COL23A1: variants seen among roughly 807,000 people sequenced by gnomAD.
The protein encoded by COL23A1 is collagen type XXIII alpha 1 chain, also known as collagen alpha-1(XXIII) chain.
In COL23A1, 97 loss-of-function variants were observed where a neutral mutation model predicts 99.3. That is an observed-to-expected ratio of 0.98 (90% CI 0.83 to 1.16). COL23A1 has a LOEUF of 1.16. Among genes scored for constraint, COL23A1 ranks in the 50% most tolerant of loss-of-function variants. The probability of loss-of-function intolerance (pLI) is 0.00; values close to 1 mark genes in which losing one functional copy is unlikely to be tolerated. For synonymous variants in COL23A1, 320 were observed against 308.2 expected (o/e 1.04, Z -0.40); for missense variants, 762 against 757.4 (o/e 1.01, Z -0.07).
chr5:178,343,349 G>A (rs1206884036), intron 2 of COL23A1, among the ~76,000 whole-genome samples: 1 of 152,186 alleles, frequency 6.6e-6, no homozygotes, highest in Non-Finnish European at 1.5e-5. Context: ...TCATGTGACC[G>A]AGGAACATAT....
chr5:178,476,790 G>C (rs1456537114), intron 2 of COL23A1, among the ~76,000 whole-genome samples: 1 of 152,214 alleles, frequency 6.6e-6, no homozygotes, highest in East Asian at 1.9e-4. Flanking sequence ...CACCATGCTA[G>C]GGACCTCCTA....
intron 2 of COL23A1, among the ~76,000 whole-genome samples, chr5:178,455,695 T>A (rs1304347528): frequency 6.6e-6 from 1 of 152,010 alleles, no homozygotes; most frequent in Non-Finnish European, 1.5e-5. Flanking sequence ...GGACCGCACC[T>A]CAAGGCCGAG....
intron 2 of COL23A1, among the ~76,000 whole-genome samples, chr5:178,367,199 C>T (rs1762531247): frequency 6.6e-6 from 1 of 152,136 alleles, no homozygotes; most frequent in Non-Finnish European, 1.5e-5. Context: ...TGGAAACCAC[C>T]AATGGCATCC....
chr5:178,242,422 G>C (rs372639846), intron 25 of COL23A1, 28 bp from the exon 26 acceptor site: 1 of 1,611,860 alleles, frequency 6.2e-7, no homozygotes, highest in Admixed American at 1.7e-5. Flanking sequence ...TGCTAAACCC[G>C]AAAATGAGGC....
chr5:178,515,633 C>G (rs1017008748), intron 2 of COL23A1, among the ~76,000 whole-genome samples: 2 of 152,170 alleles, frequency 1.3e-5, no homozygotes, highest in African/African-American at 4.8e-5. Context: ...CCTCTAATAC[C>G]TACCTTTCCT....
At chr5:178,244,722 T>C (rs190737384) in intron 25 of COL23A1, among the ~76,000 whole-genome samples, 1 of 152,368 alleles carries the variant, frequency 6.6e-6, no homozygotes, top group Admixed American at 6.5e-5. Flanking sequence ...AACCTCCAGA[T>C]TTTTCAGTTA....
intron 2 of COL23A1, among the ~76,000 whole-genome samples, chr5:178,425,370 C>T (rs1021795085): frequency 2.0e-5 from 3 of 151,502 alleles, no homozygotes; most frequent in Non-Finnish European, 4.4e-5. Context: ...TGCAGTGAGC[C>T]GAGATCGCGC....
chr5:178,485,829 A>C (rs1306116584), intron 2 of COL23A1, among the ~76,000 whole-genome samples: 1 of 151,108 alleles, frequency 6.6e-6, no homozygotes, highest in African/African-American at 2.4e-5. Context: ...TAAGCTGAGT[A>C]CAGAGTAAAA....
intron 2 of COL23A1, among the ~76,000 whole-genome samples, chr5:178,353,316 C>G (rs1269386723): frequency 6.6e-6 from 1 of 151,942 alleles, no homozygotes; most frequent in South Asian, 2.1e-4. Flanking sequence ...TTATGTATGA[C>G]ACAAACCTCA....
chr5:178,585,700 T>C (rs4045509), intron 1 of COL23A1, among the ~76,000 whole-genome samples: 13 of 141,966 alleles, frequency 9.2e-5, no homozygotes, highest in South Asian at 2.1e-4. Context: ...GGTAATGCCC[T>C]ACAGCCCTGG....
chr5:178,518,679 G>A (rs1165189167), intron 2 of COL23A1, among the ~76,000 whole-genome samples: 1 of 139,884 alleles, frequency 7.1e-6, no homozygotes, highest in Non-Finnish European at 1.6e-5. Flanking sequence ...GGGCGGAGAC[G>A]CTCCTCACAT....
chr5:178,256,513 C>A (rs902906305), intron 14 of COL23A1, 116 bp from the exon 15 acceptor site: 7 of 933,024 alleles, frequency 7.5e-6, no homozygotes, highest in South Asian at 6.3e-5. Flanking sequence ...GTGCTGGAAC[C>A]CTAATAGCCA....
At chr5:178,543,147 G>T (rs778076804) in intron 2 of COL23A1, among the ~76,000 whole-genome samples, 9 of 150,526 alleles carry the variant, frequency 6.0e-5, no homozygotes, top group Admixed American at 2.0e-4. Flanking sequence ...CGCGCTTGTC[G>T]CCCAGGCTGG....
chr5:178,438,525 G>A (rs1766686848), intron 2 of COL23A1, among the ~76,000 whole-genome samples: 1 of 152,158 alleles, frequency 6.6e-6, no homozygotes, highest in African/African-American at 2.4e-5. Context: ...GGAGACCACA[G>A]AGCAGGCAAC....
intron 2 of COL23A1, among the ~76,000 whole-genome samples, chr5:178,344,668 A>G (rs2127667743): frequency 6.6e-6 from 1 of 152,256 alleles, no homozygotes; most frequent in Admixed American, 6.5e-5. Context: ...GTCTGTGTTT[A>G]ATACAAATAC....
At position 178,339,592 on chromosome 5, in the gene COL23A1, G is replaced by A. The variant is rs540005869; in HGVS notation, c.362-32673C>T. 2.6e-5 allele frequency among the ~76,000 whole-genome samples: 4 copies of A among 152,356 alleles called. No homozygotes were observed. In the South Asian group the frequency reaches 8.3e-4, roughly 32 times the overall value. On this transcript the variant is annotated intron_variant, in intron 2 of 28. Coordinates refer to ENST00000390654, the MANE Select transcript of COL23A1 (RefSeq NM_173465.4). Reference sequence around the variant, plus strand: ...TTCTCACTGACCTCACAGCCAGCTAGCATGTGTGGGGGAAAATAAGAGAAA... The same window carrying A: ...TTCTCACTGACCTCACAGCCAGCTAACATGTGTGGGGGAAAATAAGAGAAA...
intron 2 of COL23A1, among the ~76,000 whole-genome samples, chr5:178,489,913 A>G (rs1757836835): frequency 2.0e-5 from 3 of 152,230 alleles, no homozygotes; most frequent in Admixed American, 2.0e-4. Flanking sequence ...GTGACTATCC[A>G]GACAAGAGAA....
At chr5:178,553,821 C>G (rs540493098) in intron 2 of COL23A1, among the ~76,000 whole-genome samples, 1 of 152,298 alleles carries the variant, frequency 6.6e-6, no homozygotes, top group Admixed American at 6.5e-5. Context: ...CTCGCTCTTC[C>G]CCTCCTGAAG....
At chr5:178,240,041 G>A (rs1261041337) in intron 27 of COL23A1, among the ~76,000 whole-genome samples, 1 of 152,152 alleles carries the variant, frequency 6.6e-6, no homozygotes, top group East Asian at 1.9e-4. Flanking sequence ...AGCCTGTGCT[G>A]GCTGGAGCAG....
Sources: gnomAD v4.1 joint callset for allele counts (sites outside exome capture counted in the v4.1 genomes callset) on GRCh38, gnomAD v4.1.1 for gene constraint, MANE v1.5 for transcripts, NCBI Gene and HGNC (gene_info 2026-07-23, HGNC 2026-07-21) for gene names.